TBC1D2B: variants seen among roughly 807,000 people sequenced by gnomAD.
TBC1D2B encodes the protein TBC1 domain family member 2B.
Under a neutral mutation model 100.8 loss-of-function variants are expected in TBC1D2B, and 64 were observed. That is an observed-to-expected ratio of 0.64 (90% CI 0.52 to 0.78). The LOEUF (loss-of-function observed/expected upper bound fraction) is 0.78. TBC1D2B is among the 30% of genes least tolerant of loss of function. TBC1D2B has a pLI of 0.00. For missense variants in TBC1D2B, 1,052 were observed against 1,218.4 expected (o/e 0.86, Z 2.03); for synonymous variants, 480 against 479.7 (o/e 1.00, Z -0.01).
intron 1 of TBC1D2B, among the ~76,000 whole-genome samples, chr15:78,062,129 G>C (rs2073559128): frequency 6.6e-6 from 1 of 152,142 alleles, no homozygotes; most frequent in Non-Finnish European, 1.5e-5. Flanking sequence ...GGGCAACCCT[G>C]CAAGCCGTCT....
intron 12 of TBC1D2B, among the ~76,000 whole-genome samples, chr15:78,000,707 G>C (rs138749824): frequency 7.2e-4 from 110 of 152,352 alleles, no homozygotes; most frequent in African/African-American, 2.5e-3. Flanking sequence ...GGTCAGAGCA[G>C]CCAACAGCTG....
intron 2 of TBC1D2B, among the ~76,000 whole-genome samples, chr15:78,047,447 T>C (rs919513355): frequency 6.6e-5 from 10 of 152,062 alleles, no homozygotes; most frequent in Admixed American, 1.3e-4. Flanking sequence ...AATAAATACA[T>C]TGAGTCGTTG....
intron 2 of TBC1D2B, among the ~76,000 whole-genome samples, chr15:78,050,736 TACTG>T (rs752130243): frequency 2.0e-5 from 3 of 152,196 alleles, no homozygotes; most frequent in Non-Finnish European, 4.4e-5. Context: ...ACAGAACAGA[TACTG>T]ACTAATAATA....
chr15:78,051,155 T>C (rs2141794397), intron 2 of TBC1D2B, among the ~76,000 whole-genome samples: 1 of 152,338 alleles, frequency 6.6e-6, no homozygotes, highest in African/African-American at 2.4e-5. Context: ...ACAAACTGCT[T>C]ATCATGTGAG....
intron 3 of TBC1D2B, among the ~76,000 whole-genome samples, chr15:78,038,844 C>T (rs933415316): frequency 4.6e-5 from 7 of 152,170 alleles, no homozygotes; most frequent in Admixed American, 2.6e-4. Flanking sequence ...CAGTGATTTC[C>T]ATGGAACAGT....
chr15:78,010,915 G>A (rs2072206065), intron 9 of TBC1D2B, among the ~76,000 whole-genome samples: 1 of 152,176 alleles, frequency 6.6e-6, no homozygotes, highest in Non-Finnish European at 1.5e-5. Flanking sequence ...TGTCATTTAT[G>A]TAGGAAAAAA....
At chr15:78,053,420 G>A (rs1940999588) in intron 2 of TBC1D2B, among the ~76,000 whole-genome samples, 1 of 152,056 alleles carries the variant, frequency 6.6e-6, no homozygotes, top group Non-Finnish European at 1.5e-5. Context: ...ATGAAGAGTG[G>A]GGGCCAAAAA....
At chr15:78,039,780 ACACACG>A (rs2073032639) in intron 3 of TBC1D2B, among the ~76,000 whole-genome samples, 2 of 148,762 alleles carry the variant, frequency 1.3e-5, no homozygotes, top group South Asian at 4.3e-4. Flanking sequence ...ACACACACAC[ACACACG>A]CAATTTACTG....
chr15:78,077,075 G>A (rs2073840013), intron 1 of TBC1D2B, among the ~76,000 whole-genome samples: 1 of 152,248 alleles, frequency 6.6e-6, no homozygotes, highest in East Asian at 1.9e-4. Flanking sequence ...GTCTGAGAAA[G>A]GAGACGGGGC....
intron 12 of TBC1D2B, among the ~76,000 whole-genome samples, chr15:77,999,677 AC>A (rs1469044557): frequency 1.3e-5 from 2 of 151,592 alleles, no homozygotes; most frequent in Non-Finnish European, 2.9e-5. Context: ...GCCCCCACAA[AC>A]CCCAAACCTA....
At chr15:78,057,657 A>G (rs2073454940) in intron 1 of TBC1D2B, among the ~76,000 whole-genome samples, 1 of 152,130 alleles carries the variant, frequency 6.6e-6, no homozygotes, top group Non-Finnish European at 1.5e-5. Flanking sequence ...GAAAAAAAAA[A>G]ATCTAGAGAT....
At chr15:78,057,978 G>A (rs2073461147) in intron 1 of TBC1D2B, among the ~76,000 whole-genome samples, 1 of 152,104 alleles carries the variant, frequency 6.6e-6, no homozygotes, top group Non-Finnish European at 1.5e-5. Context: ...CCTCTTTATC[G>A]CCCCAGTCCC....
intron 1 of TBC1D2B, among the ~76,000 whole-genome samples, chr15:78,075,934 C>T (rs922256599): frequency 1.7e-4 from 26 of 152,180 alleles, no homozygotes; most frequent in Non-Finnish European, 3.2e-4. Flanking sequence ...GTCTGCTCTC[C>T]GTGTGGCCAG....
chr15:78,019,833 G>C (rs144514547), intron 6 of TBC1D2B, among the ~76,000 whole-genome samples: 1 of 150,422 alleles, frequency 6.6e-6, no homozygotes, highest in Non-Finnish European at 1.5e-5. Context: ...AGGCTGCAGT[G>C]AGCCAAGATC....
intron 12 of TBC1D2B, among the ~76,000 whole-genome samples, chr15:78,000,416 C>T (rs534630326): frequency 1.3e-5 from 2 of 152,362 alleles, no homozygotes; most frequent in Admixed American, 1.3e-4. Flanking sequence ...TGGGCGAGCT[C>T]ACTCCCTGTC....
Position 78,024,498 on chromosome 15 carries a change from C to T in TBC1D2B, c.1128G>A (p.Gln376=), listed in dbSNP as rs1218535695. Reference sequence around the variant, plus strand: ...GGCTGCTTGTGAAATACTTGTCATACTGGGATGACCGGACTGTCTGCTGGA... The same window carrying T: ...GGCTGCTTGTGAAATACTTGTCATATTGGGATGACCGGACTGTCTGCTGGA... ...RLLQQTVRSS[Q]YDKYFTSSRL... Residue 376 remains glutamine, a synonymous_variant, in exon 6 of 13, where the codon CAG becomes CAA. Transcript: ENST00000300584. 4 of 1,613,850 alleles carry T rather than the reference C, an allele frequency of 2.5e-6. No individual in the cohort carries two copies. The highest frequency in any genetic ancestry group is 3.4e-6 in the Non-Finnish European group (4 of 1,179,822).
intron 1 of TBC1D2B, among the ~76,000 whole-genome samples, chr15:78,072,663 G>A (rs1019912807): frequency 3.9e-5 from 6 of 152,310 alleles, no homozygotes; most frequent in Non-Finnish European, 5.9e-5. Context: ...AAGCACCTAC[G>A]GAGGGAGGAA....
intron 1 of TBC1D2B, among the ~76,000 whole-genome samples, chr15:78,054,883 G>A (rs771463197): frequency 3.3e-5 from 5 of 152,090 alleles, no homozygotes; most frequent in Non-Finnish European, 7.3e-5. Flanking sequence ...AGACCTGTAT[G>A]TGAATGTTTA....
chr15:78,055,780 C>T (rs1033348224), intron 1 of TBC1D2B, among the ~76,000 whole-genome samples: 1 of 152,166 alleles, frequency 6.6e-6, no homozygotes, highest in Non-Finnish European at 1.5e-5. Context: ...TTCATTTAAC[C>T]AACATTTGCT....
Sources: gnomAD v4.1 joint callset for allele counts (sites outside exome capture counted in the v4.1 genomes callset) on GRCh38, gnomAD v4.1.1 for gene constraint, MANE v1.5 for transcripts, NCBI Gene and HGNC (gene_info 2026-07-23, HGNC 2026-07-21) for gene names.